Variants in ERCC2 observed in about 807,000 individuals in gnomAD.
ERCC2 encodes general transcription and DNA repair factor IIH helicase subunit XPD.
A neutral mutation model predicts 99.4 loss-of-function variants in ERCC2; 90 were observed. The observed-to-expected ratio is 0.91, with a 90% CI of 0.76 to 1.08. The LOEUF (loss-of-function observed/expected upper bound fraction) is 1.08, where lower values mean the gene tolerates loss of function less well. Among genes scored for constraint, ERCC2 ranks in the 50% least tolerant of loss-of-function variants. The pLI, the probability that ERCC2 is intolerant of heterozygous loss-of-function variation, is 0.00. For synonymous variants in ERCC2, 497 were observed against 432.4 expected, an observed-to-expected ratio of 1.15 and a Z score of -1.85; for missense variants, 993 against 1,038.1, an observed-to-expected ratio of 0.96 and a Z score of 0.60.
chr19:45,350,305 G>T lies in ERCC2; in HGVS notation c.*1324C>A. 6.5e-7 allele frequency: 1 copy of T among 1,549,808 alleles called. No individual in the cohort carries two copies. The highest frequency in any genetic ancestry group is 8.9e-7 in the Non-Finnish European group (1 of 1,126,644). On this transcript the variant is annotated 3_prime_UTR_variant, in exon 23 of 23. Coordinates refer to ENST00000391945, the MANE Select transcript of ERCC2 (RefSeq NM_000400.4). ...GACTGGATGCAGTGTTGGGAACTGGGGTCCGAAAAGTTCCCAGACACTCCC... is the reference window on the plus strand; with the variant it reads ...GACTGGATGCAGTGTTGGGAACTGGTGTCCGAAAAGTTCCCAGACACTCCC...
rs1971827384 is a variant in ERCC2 at position 45,352,221 on chromosome 19, C to T, written c.2178G>A (p.Gln726=). The change falls in exon 22 of 23, where the codon CAG becomes CAA. Residue 726 remains glutamine (Q), a synonymous_variant. Transcript: ENST00000391945. ...ACGCAGGCCTCACCCGGTGGAAGGG[C>T]TGTGCCATCTGCCGCAGGAAGTACT... ...VAKYFLRQMA[Q]PFHREDQLGL... is the part of the protein sequence containing the mutation. The T allele has an allele frequency of 6.2e-7, 1 of 1,613,978 alleles. No homozygotes were observed. The highest frequency in any genetic ancestry group is 8.5e-7 in the Non-Finnish European group (1 of 1,179,994).
intron 16 of ERCC2, 33 bp from the exon 17 acceptor site, chr19:45,354,884 G>T: frequency 6.2e-7 from 1 of 1,613,292 alleles, no homozygotes; most frequent in Non-Finnish European, 8.5e-7. Flanking sequence ...CCCTCTCCTG[G>T]CCCAGGTCCT....
At position 45,349,871 on chromosome 19, in the gene ERCC2, C is replaced by G. The variant is rs1971632451; in HGVS notation, c.*1758G>C. On this transcript the variant is annotated 3_prime_UTR_variant, in exon 23 of 23. Coordinates refer to ENST00000391945, the MANE Select transcript of ERCC2 (RefSeq NM_000400.4). ...CAGACATTTATTGAGCTCACTGTGGCCGGCTCCCCTCTTAGCCCGGTCCCC... is the reference window on the plus strand; with the variant it reads ...CAGACATTTATTGAGCTCACTGTGGGCGGCTCCCCTCTTAGCCCGGTCCCC... 2.0e-6 allele frequency: 1 copy of G among 491,562 alleles called. No individual in the cohort carries two copies. The highest frequency in any genetic ancestry group is 3.6e-6 in the Non-Finnish European group (1 of 276,492). The allele number at this position is 491,562 out of a possible 1,614,324, so 30.5% of individuals were successfully genotyped here. A position where few individuals can be genotyped will look rare whatever the true frequency, so the allele number is the denominator to read the frequency against.
Position 45,349,891 on chromosome 19 carries a change from G to C in ERCC2, c.*1738C>G, listed in dbSNP as rs1384793477. On this transcript the variant is annotated 3_prime_UTR_variant, in exon 23 of 23. Transcript: ENST00000391945. ...TGTGGCCGGCTCCCCTCTTAGCCCG[G>C]TCCCCACATCGCTAGTTCTTATAGC... 2.1e-6 allele frequency: 1 copy of C among 469,442 alleles called. No homozygotes were observed. The highest frequency in any genetic ancestry group is 3.8e-6 in the Non-Finnish European group (1 of 263,146). The allele number at this position is 469,442 out of a possible 1,614,324, so 29.1% of individuals were successfully genotyped here.
intron 5 of ERCC2, among the ~76,000 whole-genome samples, chr19:45,365,739 C>T (rs1357567628): frequency 1.3e-5 from 2 of 151,720 alleles, no homozygotes; most frequent in Non-Finnish European, 2.9e-5. Context: ...TGCAGTGAGC[C>T]GAGATCATGC....
Position 45,350,589 on chromosome 19 carries a change from T to A in ERCC2, c.*1040A>T. The A allele has an allele frequency of 9.9e-6, 16 of 1,613,492 alleles. No individual in the cohort carries two copies. Among genetic ancestry groups the A allele is most frequent in the African/African-American group, 2.7e-5 (2 of 74,840 alleles). On this transcript the variant is annotated 3_prime_UTR_variant, in exon 23 of 23. Transcript: ENST00000391945. ...TGTGCTTCGGCTCCTGGGGTGGGCG[T>A]GGGGACTGCATGGGCCTGGGGGACT...
intron 7 of ERCC2, 29 bp from the exon 8 acceptor site, chr19:45,364,576 G>A (rs748455058): frequency 6.2e-7 from 1 of 1,610,818 alleles, no homozygotes; most frequent in Admixed American, 1.7e-5. Flanking sequence ...GGGTTACCAG[G>A]GCCCTGCCAC....
intron 11 of ERCC2, chr19:45,361,875 A>G (rs1389032318): frequency 3.7e-6 from 2 of 536,076 alleles, no homozygotes; most frequent in Non-Finnish European, 7.0e-6. Context: ...GACACTCCAG[A>G]GTCATGTGGT....
rs540022485 is a variant in ERCC2, at chr19:45,353,150, G to A, written c.1764C>T (p.Cys588=). The A allele has an allele frequency of 3.0e-5, 48 of 1,613,808 alleles. No homozygotes were observed. Among genetic ancestry groups the A allele is most frequent in the Admixed American group, 8.3e-5 (5 of 60,018 alleles). Residue 588 remains cysteine, a synonymous_variant, in exon 19 of 23, where the codon TGC becomes TGT. Coordinates refer to ENST00000391945, the MANE Select transcript of ERCC2 (RefSeq NM_000400.4). The stretch of plus-strand genomic sequence containing the variant: ...GCAGGATGGCCCCGCGGCCATTCTC[G>A]CAGGCCTGAGGTGGGGAGACCGAGA... ...SVALEKYQEA[C]ENGRGAILLS...
chr19:45,355,799 T>G, intron 15 of ERCC2, 71 bp from the exon 16 acceptor site: 1 of 1,121,334 alleles, frequency 8.9e-7, no homozygotes, highest in Non-Finnish European at 1.3e-6. Context: ...GACCACCTGC[T>G]GGTGCTGTTC....
At chr19:45,367,617 G>A (rs889889295) in intron 5 of ERCC2, among the ~76,000 whole-genome samples, 9 of 149,688 alleles carry the variant, frequency 6.0e-5, no homozygotes, top group Non-Finnish European at 8.9e-5. Flanking sequence ...TCGGGAGTTC[G>A]AGCAATTCTC....
chr19:45,370,012 G>T (rs1353267718), intron 2 of ERCC2, 121 bp downstream of exon 2: 8 of 849,836 alleles, frequency 9.4e-6, no homozygotes, highest in Non-Finnish European at 1.3e-5. Flanking sequence ...GGAAGATTAT[G>T]GGGTCCTGGA....
At position 45,365,389 on chromosome 19, in the gene ERCC2, G is replaced by A. The variant is rs12976019; in HGVS notation, c.361-231C>T. Among the ~76,000 whole-genome samples, 41,050 of 152,076 alleles carry A rather than the reference G, an allele frequency of 0.27. 6,647 individuals are homozygous for A. The highest frequency in any genetic ancestry group is 0.36 in the Middle Eastern group (106 of 292). On this transcript the variant is annotated intron_variant, in intron 5 of 22. Transcript: ENST00000391945. Reference sequence around the variant, plus strand: ...CCCAGCACTTTGTGAGGCTGAGGTGGGCAGATCACGAGGTCAGGAGTTCGA... The same window carrying A: ...CCCAGCACTTTGTGAGGCTGAGGTGAGCAGATCACGAGGTCAGGAGTTCGA...
intron 5 of ERCC2, among the ~76,000 whole-genome samples, chr19:45,365,596 G>A (rs568674645): frequency 6.6e-6 from 1 of 151,966 alleles, no homozygotes; most frequent in Admixed American, 6.6e-5. Flanking sequence ...GGGCGACAGA[G>A]TGAGACACCA....
Position 45,363,891 on chromosome 19 carries a change from G to A in ERCC2, c.970C>T (p.Arg324Cys), listed in dbSNP as rs1322620921. Residue 324 changes from arginine (R) to cysteine (C), a missense_variant, in exon 11 of 23, where the codon CGC (arginine) becomes TGC (cysteine). Arg to Cys is a radical substitution (Grantham distance 180). Transcript: ENST00000391945. ...VLQEAVPGSI[R>C]TAEHFLGFLR... ...AAGCCCAGGAAATGCTCGGCCGTGC[G>A]GATGGAGCCAGGCACTGCCTCTGCG... 5 of 1,549,046 alleles carry A rather than the reference G, an allele frequency of 3.2e-6. No homozygotes were observed. The highest frequency in any genetic ancestry group is 1.2e-5 in the South Asian group (1 of 85,084).
At chr19:45,369,213 G>T in intron 2 of ERCC2, 66 bp from the exon 3 acceptor site, 2 of 1,284,878 alleles carry the variant, frequency 1.6e-6, no homozygotes, top group South Asian at 1.2e-5. Context: ...AAACTCTGGG[G>T]ACTCTCCCCG....
In ERCC2 at chr19:45,350,938, G is replaced by C. The variant is rs368232994; in HGVS notation, c.*691C>G. The C allele has an allele frequency of 1.2e-6, 2 of 1,613,404 alleles. No individual in the cohort carries two copies. The highest frequency in any genetic ancestry group is 1.3e-5 in the African/African-American group (1 of 74,930). ...TCCTGGATTCACTCATTTCCTCCCT[G>C]CTGCCCTCTTTGCAGAATGAAGAGA... On this transcript the variant is annotated 3_prime_UTR_variant, in exon 23 of 23. Transcript: ENST00000391945.
In ERCC2 at chr19:45,355,722, C is replaced by T. The variant is rs1437680307; in HGVS notation, c.1486G>A (p.Gly496Ser). The change falls in exon 16 of 23, where the codon GGC (glycine) becomes AGC (serine). Residue 496 changes from glycine (G) to serine (S), a missense_variant. This residue lies in a region of ERCC2 where 909 missense variants were observed against 930.8 expected (regional missense o/e 0.98). Transcript: ENST00000391945. ...ARVCLCPMII[G>S]RGNDQVAISS... Reference sequence around the variant, plus strand: ...ATGGCCACCTGGTCATTGCCACGGCCGATGATCTGGAGAGCAACAGAGGTC... The same window carrying T: ...ATGGCCACCTGGTCATTGCCACGGCTGATGATCTGGAGAGCAACAGAGGTC... The T allele has an allele frequency of 3.7e-6, 6 of 1,613,826 alleles. No individual in the cohort carries two copies. The African/African-American group carries it at 4.0e-5, about 11-fold the overall frequency.
At chr19:45,365,441 C>T (rs543855329) in intron 5 of ERCC2, among the ~76,000 whole-genome samples, 2 of 152,186 alleles carry the variant, frequency 1.3e-5, no homozygotes, top group African/African-American at 4.8e-5. Context: ...ATGGTGAAAC[C>T]CTGTCTCCAC....
Sources: allele counts gnomAD v4.1 joint callset (sites outside exome capture counted in the v4.1 genomes callset), GRCh38; gene constraint gnomAD v4.1.1; regional missense constraint gnomAD v4.1.1; transcripts MANE v1.5; gene names NCBI Gene and HGNC (gene_info 2026-07-23, HGNC 2026-07-21).